CDC40: variants seen among roughly 807,000 people sequenced by gnomAD.
CDC40 encodes pre-mRNA-processing factor 17.
CDC40 carries 27 observed loss-of-function variants against 80.6 expected under a neutral mutation model. The observed-to-expected ratio is 0.33, with a 90% CI of 0.25 to 0.46. The LOEUF (loss-of-function observed/expected upper bound fraction) is 0.46, where lower values mean the gene tolerates loss of function less well. Among genes scored for constraint, CDC40 ranks in the 20% least tolerant of loss-of-function variants. CDC40 has a pLI of 1.00. For missense variants in CDC40, 486 were observed against 694.1 expected (o/e 0.70, Z 3.37); for synonymous variants, 221 against 232.6 (o/e 0.95, Z 0.45).
intron 1 of CDC40, among the ~76,000 whole-genome samples, chr6:110,181,280 A>C (rs1013533248): frequency 1.3e-5 from 2 of 152,240 alleles, no homozygotes; most frequent in Admixed American, 6.5e-5. Context: ...TCAATGGAGG[A>C]AGCTGATTAA....
At chr6:110,193,566 G>A (rs1777380065) in intron 2 of CDC40, among the ~76,000 whole-genome samples, 1 of 152,004 alleles carries the variant, frequency 6.6e-6, no homozygotes, top group Non-Finnish European at 1.5e-5. Context: ...CACCACGCCT[G>A]GCTAATTTTT....
In CDC40 at chr6:110,183,848, T is replaced by C. The variant is rs142003686; in HGVS notation, c.189+3215T>C. ...TTATTGGTGATTTAATTTTTTTTTC[T>C]TTGGAAGCAACTATTGGGTTGTCAT... is the stretch of plus-strand genomic sequence containing the variant. On this transcript the variant is annotated intron_variant, in intron 1 of 14. Coordinates refer to ENST00000307731, the MANE Select transcript of CDC40 (RefSeq NM_015891.3). Among the ~76,000 whole-genome samples the C allele has an allele frequency of 1.3e-3, 198 of 152,302 alleles. 2 individuals carry two copies. The East Asian group carries it at 0.035, about 27-fold the overall frequency.
Position 110,219,465 on chromosome 6 carries a change from A to G in CDC40, c.1192A>G (p.Lys398Glu). ...TCTCTTTGTGGCTGGGATGTCTGATAAGAAGATTGTGCAAGTAAGTCTTTC... is the reference window on the plus strand; with the variant it reads ...TCTCTTTGTGGCTGGGATGTCTGATGAGAAGATTGTGCAAGTAAGTCTTTC... ...QNLFVAGMSDKKIVQWDIRSG... is the reference protein window; with the variant it reads ...QNLFVAGMSDEKIVQWDIRSG... Residue 398 changes from lysine to glutamate, a missense_variant, in exon 11 of 15, where the codon AAG becomes GAG. Lys to Glu is a moderately conservative substitution (Grantham distance 56). This residue lies in a region of CDC40 where 381 missense variants were observed against 492.1 expected (regional missense o/e 0.77). Coordinates refer to ENST00000307731, the MANE Select transcript of CDC40 (RefSeq NM_015891.3). 1 of 1,583,910 alleles carries G rather than the reference A, an allele frequency of 6.3e-7. No individual in the cohort carries two copies. The highest frequency in any genetic ancestry group is 8.7e-7 in the Non-Finnish European group (1 of 1,152,908).
intron 10 of CDC40, 41 bp from the exon 11 acceptor site, chr6:110,219,323 C>T (rs1777738147): frequency 1.1e-6 from 1 of 938,410 alleles, no homozygotes. Flanking sequence ...TTTAAGTGGT[C>T]AAATTTATTT....
chr6:110,184,549 T>G (rs1777240800), intron 1 of CDC40, among the ~76,000 whole-genome samples: 1 of 152,170 alleles, frequency 6.6e-6, no homozygotes, highest in Non-Finnish European at 1.5e-5. Context: ...AAGTACTTTC[T>G]ACTACTTACA....
chr6:110,182,908 G>A (rs898014294), intron 1 of CDC40, among the ~76,000 whole-genome samples: 1 of 151,986 alleles, frequency 6.6e-6, no homozygotes, highest in Non-Finnish European at 1.5e-5. Context: ...CACTTACATC[G>A]TATCACTTCC....
At chr6:110,205,844 A>T (rs1465015590) in intron 3 of CDC40, among the ~76,000 whole-genome samples, 1 of 152,208 alleles carries the variant, frequency 6.6e-6, no homozygotes, top group Non-Finnish European at 1.5e-5. Context: ...TTATGTGCAG[A>T]ACACTTCTGT....
chr6:110,216,875 G>A (rs1037742790), intron 9 of CDC40, among the ~76,000 whole-genome samples: 3 of 152,148 alleles, frequency 2.0e-5, no homozygotes, highest in African/African-American at 7.2e-5. Context: ...TAAAATTAGT[G>A]TATTATCAAA....
At position 110,191,464 on chromosome 6, in the gene CDC40, G is replaced by T. The variant is rs72934102; in HGVS notation, c.190-1718G>T. Among the ~76,000 whole-genome samples, 316 of 152,238 alleles carry T rather than the reference G, an allele frequency of 2.1e-3. 1 individual carries two copies. Among genetic ancestry groups the T allele is most frequent in the African/African-American group, 7.3e-3 (302 of 41,544 alleles). ...TTATACATTTGTGTGTGCAAAATCC[G>T]CCTTGTGTAGTTTACATTTTAGTGG... On this transcript the variant is annotated intron_variant, in intron 1 of 14. Coordinates refer to ENST00000307731, the MANE Select transcript of CDC40 (RefSeq NM_015891.3).
intron 1 of CDC40, among the ~76,000 whole-genome samples, chr6:110,184,890 A>G (rs1193889994): frequency 6.6e-6 from 1 of 152,240 alleles, no homozygotes; most frequent in Non-Finnish European, 1.5e-5. Context: ...AGAAATGGAC[A>G]AATATACAAT....
chr6:110,216,195 A>G (rs545625092), intron 9 of CDC40, among the ~76,000 whole-genome samples: 1 of 152,338 alleles, frequency 6.6e-6, no homozygotes, highest in Admixed American at 6.5e-5. Flanking sequence ...AAGAAGGCCA[A>G]AGGGAGGACA....
chr6:110,209,010 T>C, intron 4 of CDC40, 74 bp from the exon 5 acceptor site: 1 of 916,704 alleles, frequency 1.1e-6, no homozygotes, highest in Non-Finnish European at 1.6e-6. Flanking sequence ...TAAACATATG[T>C]TCATATTTCT....
At chr6:110,193,108 G>C in intron 1 of CDC40, 74 bp from the exon 2 acceptor site, 1 of 857,166 alleles carries the variant, frequency 1.2e-6, no homozygotes, top group Non-Finnish European at 2.0e-6. Context: ...GATGGCTAGT[G>C]TGACTTTAAT....
intron 9 of CDC40, among the ~76,000 whole-genome samples, chr6:110,217,258 C>T (rs1777712653): frequency 1.3e-5 from 2 of 152,344 alleles, no homozygotes; most frequent in Middle Eastern, 3.4e-3. Context: ...GTTTGGGGCA[C>T]TTTGTTTTCA....
intron 1 of CDC40, among the ~76,000 whole-genome samples, chr6:110,182,314 T>G (rs1210661611): frequency 6.6e-6 from 1 of 152,226 alleles, no homozygotes; most frequent in Non-Finnish European, 1.5e-5. Flanking sequence ...TCTATCCTCC[T>G]TGCTAGCTTA....
intron 3 of CDC40, 94 bp downstream of exon 3, chr6:110,201,781 T>G: frequency 1.0e-6 from 1 of 998,014 alleles, no homozygotes. Flanking sequence ...CTTTTAAAAT[T>G]CACTGGATTC....
At chr6:110,228,771 T>A in intron 13 of CDC40, 61 bp from the exon 14 acceptor site, 1 of 1,318,158 alleles carries the variant, frequency 7.6e-7, no homozygotes, top group East Asian at 2.5e-5. Flanking sequence ...ATATTTAAAA[T>A]AAAAAGTTTT....
chr6:110,193,175 T>G lies in CDC40; in HGVS notation c.190-7T>G. 1 of 1,562,658 alleles carries G rather than the reference T, an allele frequency of 6.4e-7. No homozygotes were observed. The highest frequency in any genetic ancestry group is 8.8e-7 in the Non-Finnish European group (1 of 1,133,682). On this transcript the variant is annotated splice_polypyrimidine_tract_variant and splice_region_variant and intron_variant, in intron 1 of 14. Transcript: ENST00000307731. ...GATCATTAATATTTATTTGGTATTCTTTTTAGGAAGATTTGGAGACTGGAG... is the reference window on the plus strand; with the variant it reads ...GATCATTAATATTTATTTGGTATTCGTTTTAGGAAGATTTGGAGACTGGAG...
intron 1 of CDC40, among the ~76,000 whole-genome samples, chr6:110,187,299 CA>C (rs765289400): frequency 6.6e-5 from 10 of 152,210 alleles, no homozygotes; most frequent in African/African-American, 2.2e-4. Flanking sequence ...GTTACAAAAA[CA>C]AAAGCAGATC....
Sources: allele counts gnomAD v4.1 joint callset (sites outside exome capture counted in the v4.1 genomes callset), GRCh38; gene constraint gnomAD v4.1.1; regional missense constraint gnomAD v4.1.1; transcripts MANE v1.5; gene names NCBI Gene and HGNC (gene_info 2026-07-23, HGNC 2026-07-21).